Variants in METTL13 observed in about 807,000 individuals in gnomAD.
The protein encoded by METTL13 is methyltransferase 13, eEF1A N-terminus and K55.
Under a neutral mutation model 67.4 loss-of-function variants are expected in METTL13, and 52 were observed. That is an observed-to-expected ratio of 0.77 (90% CI 0.62 to 0.97). The LOEUF is 0.97. Ranked by LOEUF, METTL13 falls within the 50% of genes least tolerant of loss-of-function variation. The probability of loss-of-function intolerance (pLI) is 0.00; values close to 1 mark genes in which losing one functional copy is unlikely to be tolerated. For missense variants in METTL13, 825 were observed against 889.6 expected (o/e 0.93, Z 0.92); for synonymous variants, 354 against 353.6 (o/e 1.00, Z -0.01).
chr1:171,796,793 C>G lies in METTL13; in HGVS notation c.*37C>G. On this transcript the variant is annotated 3_prime_UTR_variant, in exon 8 of 8. Coordinates refer to ENST00000361735, the MANE Select transcript of METTL13 (RefSeq NM_015935.5). Reference sequence around the variant, plus strand: ...AAGCAGCCCTCCTGCCTAGACTGACCTTGGACTCCCAGCCTGCCAGAGAAT... The same window carrying G: ...AAGCAGCCCTCCTGCCTAGACTGACGTTGGACTCCCAGCCTGCCAGAGAAT... The G allele has an allele frequency of 6.3e-7, 1 of 1,597,002 alleles. No individual in the cohort carries two copies. The highest frequency in any genetic ancestry group is 8.5e-7 in the Non-Finnish European group (1 of 1,170,466).
chr1:171,790,673 CAATTG>C, intron 5 of METTL13, 57 bp downstream of exon 5: 1 of 1,386,680 alleles, frequency 7.2e-7, no homozygotes. Flanking sequence ...CAGACCTAAA[CAATTG>C]GTGTCACTTG....
intron 4 of METTL13, 88 bp downstream of exon 4, chr1:171,788,018 C>G: frequency 7.6e-7 from 1 of 1,320,248 alleles, no homozygotes; most frequent in Non-Finnish European, 1.1e-6. Context: ...GTAGGATGGA[C>G]CTGGGTGTCT....
chr1:171,796,911 G>A lies in METTL13; in HGVS notation c.*155G>A. The A allele has an allele frequency of 2.2e-6, 2 of 930,120 alleles. No individual in the cohort carries two copies. Among genetic ancestry groups the A allele is most frequent in the South Asian group, 1.7e-5 (1 of 57,746 alleles). 57.6% of individuals were successfully genotyped at this position (930,120 alleles called of 1,614,324 possible). On this transcript the variant is annotated 3_prime_UTR_variant, in exon 8 of 8. Coordinates refer to ENST00000361735, the MANE Select transcript of METTL13 (RefSeq NM_015935.5). ...GACCTCCAGCTTGGTGAGGTTGCCT[G>A]AAGATTAGGGAAAATAAAAATGTCC...
chr1:171,785,751 T>G, intron 2 of METTL13, 128 bp from the exon 3 acceptor site: 1 of 909,024 alleles, frequency 1.1e-6, no homozygotes, highest in Non-Finnish European at 1.7e-6. Context: ...AATTGTTAGC[T>G]CCTCAGTGGG....
Position 171,796,571 on chromosome 1 carries a change from G to A in METTL13, c.1915G>A (p.Val639Ile). The A allele has an allele frequency of 6.2e-7, 1 of 1,614,182 alleles. No homozygotes were observed. Among genetic ancestry groups the A allele is most frequent in the Non-Finnish European group, 8.5e-7 (1 of 1,180,050 alleles). The change falls in exon 8 of 8, where the codon GTC becomes ATC. Residue 639 changes from valine to isoleucine, a missense_variant. By Grantham distance (29) the Val-to-Ile change is conservative. Transcript: ENST00000361735. ...CAAGGCAGTGTTCCCCCTCCTATAT[G>A]TCCGGCGAATTGAGGGTGAAGTGAA... is the stretch of plus-strand genomic sequence containing the variant. ...GLKAVFPLLY[V>I]RRIEGEVNEI...
Position 171,796,509 on chromosome 1 carries a change from G to A in METTL13, c.1853G>A (p.Arg618Gln), listed in dbSNP as rs369407003. The A allele has an allele frequency of 9.9e-6, 16 of 1,613,980 alleles. No individual in the cohort carries two copies. The highest frequency in any genetic ancestry group is 9.3e-5 in the African/African-American group (7 of 74,888). Residue 618 changes from arginine (R) to glutamine (Q), a missense_variant, in exon 8 of 8, where the codon CGA becomes CAA. Physicochemically the swap from Arg to Gln is conservative, Grantham distance 43 (BLOSUM62 1). Transcript: ENST00000361735. ...EGVFILNLVC[R>Q]DLGLKDSVLA... The stretch of plus-strand genomic sequence containing the variant: ...GTTTTTATTCTCAACCTTGTGTGCC[G>A]AGACTTGGGGCTAAAAGACTCAGTG...
intron 6 of METTL13, among the ~76,000 whole-genome samples, chr1:171,793,505 C>T (rs1247070052): frequency 1.3e-5 from 2 of 152,212 alleles, no homozygotes; most frequent in African/African-American, 4.8e-5. Flanking sequence ...GATGAGCCAA[C>T]ATGTTCTCTT....
At chr1:171,791,427 T>C (rs6425416) in intron 5 of METTL13, among the ~76,000 whole-genome samples, 79,968 of 152,014 alleles carry the variant, frequency 0.53, 21,824 homozygotes, top group African/African-American at 0.67. Flanking sequence ...AGCAAGATTG[T>C]TTGGCCACTC....
intron 3 of METTL13, 90 bp from the exon 4 acceptor site, chr1:171,787,645 G>C: frequency 1.7e-6 from 2 of 1,194,828 alleles, no homozygotes; most frequent in Non-Finnish European, 2.4e-6. Flanking sequence ...GTGGTATGGG[G>C]ATATATACAC....
chr1:171,789,779 C>T (rs1262685462), intron 4 of METTL13, among the ~76,000 whole-genome samples: 2 of 145,646 alleles, frequency 1.4e-5, no homozygotes, highest in Non-Finnish European at 3.0e-5. Flanking sequence ...TTTGCCATTT[C>T]CTTTTCCAGC....
rs186164058 is a variant in METTL13 at position 171,786,613 on chromosome 1, G to A, written c.1113+535G>A. Among the ~76,000 whole-genome samples, 6 of 152,236 alleles carry A rather than the reference G, an allele frequency of 3.9e-5. No individual in the cohort carries two copies. The East Asian group carries it at 7.7e-4, about 20-fold the overall frequency. On this transcript the variant is annotated intron_variant, in intron 3 of 7. Transcript: ENST00000361735. Reference sequence around the variant, plus strand: ...TGCTATCCTGGTCACCATGGGTAACGAACAAGTGATTTTACTAAAAGAACT... The same window carrying A: ...TGCTATCCTGGTCACCATGGGTAACAAACAAGTGATTTTACTAAAAGAACT...
At chr1:171,783,406 C>G (rs1656891155) in intron 1 of METTL13, among the ~76,000 whole-genome samples, 1 of 152,154 alleles carries the variant, frequency 6.6e-6, no homozygotes, top group African/African-American at 2.4e-5. Context: ...TCAACTGTAA[C>G]TCTATATTTG....
chr1:171,786,003 C>T lies in METTL13; in HGVS notation c.1038C>T (p.Ser346=), dbSNP rs1656995579. 6.2e-7 allele frequency: 1 copy of T among 1,613,900 alleles called. No individual in the cohort carries two copies. The change falls in exon 3 of 8, where the codon AGC becomes AGT. Residue 346 remains serine, a synonymous_variant. Transcript: ENST00000361735. Reference sequence around the variant, plus strand: ...TTCACCGAGGTCAGCAGTATGAAAGCATGGACCACATCCAAGCTGAGCTGT... The same window carrying T: ...TTCACCGAGGTCAGCAGTATGAAAGTATGGACCACATCCAAGCTGAGCTGT... ...VALHRGQQYE[S]MDHIQAELSA... is the part of the protein sequence containing the mutation.
At chr1:171,786,506 G>C (rs958257819) in intron 3 of METTL13, among the ~76,000 whole-genome samples, 2 of 152,204 alleles carry the variant, frequency 1.3e-5, no homozygotes, top group African/African-American at 4.8e-5. Flanking sequence ...CACATTGCTG[G>C]TCAGGTGTTT....
At chr1:171,788,769 C>T (rs1022652635) in intron 4 of METTL13, among the ~76,000 whole-genome samples, 3 of 152,214 alleles carry the variant, frequency 2.0e-5, no homozygotes, top group African/African-American at 4.8e-5. Context: ...CTGTCTGAGG[C>T]GCAGAGATTC....
intron 4 of METTL13, among the ~76,000 whole-genome samples, chr1:171,789,485 C>T (rs1010407866): frequency 5.9e-5 from 9 of 152,154 alleles, no homozygotes; most frequent in African/African-American, 1.7e-4. Flanking sequence ...GACAGGCAGT[C>T]CGAGGATCAA....
Position 171,796,847 on chromosome 1 carries a change from A to C in METTL13, c.*91A>C. The C allele has an allele frequency of 6.7e-7, 1 of 1,492,798 alleles. No homozygotes were observed. Among genetic ancestry groups the C allele is most frequent in the Non-Finnish European group, 9.0e-7 (1 of 1,115,052 alleles). 92.5% of individuals were successfully genotyped at this position (1,492,798 alleles called of 1,614,324 possible). ...GAAATACAACGCACAGTACTTTTGA[A>C]GCTTCGTATTTTTCTTGGTTTCACA... On this transcript the variant is annotated 3_prime_UTR_variant, in exon 8 of 8. Coordinates refer to ENST00000361735, the MANE Select transcript of METTL13 (RefSeq NM_015935.5).
At position 171,781,775 on chromosome 1, in the gene METTL13, GTCCA is replaced by G; in HGVS notation, c.-191_-188del. The G allele has an allele frequency of 7.1e-7, 1 of 1,406,194 alleles. No individual in the cohort carries two copies. The highest frequency in any genetic ancestry group is 9.3e-7 in the Non-Finnish European group (1 of 1,079,800). The allele number at this position is 1,406,194 out of a possible 1,614,324, so 87.1% of individuals were successfully genotyped here. ...GGGCAAGCGTGTGTGAGATTCAGTG[GTCCA>G]TGCGTGCGTTTGTCGTGTAAGGGTC... is the stretch of plus-strand genomic sequence containing the variant. On this transcript the variant is annotated 5_prime_UTR_variant, in exon 1 of 8. An upstream start codon of the reference 5' UTR is lost. Coordinates refer to ENST00000361735, the MANE Select transcript of METTL13 (RefSeq NM_015935.5).
intron 2 of METTL13, among the ~76,000 whole-genome samples, chr1:171,785,347 C>G (rs1656974937): frequency 1.3e-5 from 2 of 152,092 alleles, no homozygotes; most frequent in Non-Finnish European, 2.9e-5. Context: ...TTCTATAATT[C>G]TGTCTGTCCA....
Sources: gnomAD v4.1 joint callset for allele counts (sites outside exome capture counted in the v4.1 genomes callset) on GRCh38, gnomAD v4.1.1 for gene constraint, MANE v1.5 for transcripts, NCBI Gene and HGNC (gene_info 2026-07-23, HGNC 2026-07-21) for gene names.